Variants in ADCY5 observed in about 807,000 individuals in gnomAD.
ADCY5 encodes adenylate cyclase 5.
ADCY5 carries 30 observed loss-of-function variants against 119.7 expected under a neutral mutation model. The observed-to-expected ratio is 0.25, with a 90% CI of 0.19 to 0.34. The LOEUF is 0.34. Among genes scored for constraint, ADCY5 ranks in the 10% least tolerant of loss-of-function variants. The pLI, the probability that ADCY5 is intolerant of heterozygous loss-of-function variation, is 1.00. For missense variants in ADCY5, 1,324 were observed against 1,775.2 expected, an observed-to-expected ratio of 0.75 and a Z score of 4.57; for synonymous variants, 753 against 762.2, an observed-to-expected ratio of 0.99 and a Z score of 0.20.
At chr3:123,396,939 CACCCTTCCCATGACTTTGGGGAA>C (rs1412965966) in intron 1 of ADCY5, among the ~76,000 whole-genome samples, 1 of 152,154 alleles carries the variant, frequency 6.6e-6, no homozygotes, top group African/African-American at 2.4e-5. Flanking sequence ...ACACATGCCT[CACCCTTCCCATGACTTTGGGGAA>C]ACTTCTGTAC....
intron 20 of ADCY5, among the ~76,000 whole-genome samples, chr3:123,285,745 C>G (rs1455531678): frequency 1.3e-5 from 2 of 152,218 alleles, no homozygotes; most frequent in Non-Finnish European, 2.9e-5. Flanking sequence ...AACACACATG[C>G]CCCTTGCTCC....
chr3:123,412,711 C>G (rs1332159796), intron 1 of ADCY5, among the ~76,000 whole-genome samples: 1 of 152,036 alleles, frequency 6.6e-6, no homozygotes, highest in South Asian at 2.1e-4. Context: ...TCCCCCATCC[C>G]TCATTTCCTA....
At chr3:123,366,725 T>G (rs1943455508) in intron 1 of ADCY5, among the ~76,000 whole-genome samples, 1 of 152,046 alleles carries the variant, frequency 6.6e-6, no homozygotes. Flanking sequence ...GGCAGCACAG[T>G]GTGGAGAAAG....
intron 1 of ADCY5, among the ~76,000 whole-genome samples, chr3:123,360,745 A>G (rs2107500779): frequency 6.6e-6 from 1 of 152,392 alleles, no homozygotes; most frequent in Middle Eastern, 3.4e-3. Flanking sequence ...TCTGCTTAAT[A>G]CATTTTAAGG....
chr3:123,332,242 C>A (rs1262434189), intron 4 of ADCY5, among the ~76,000 whole-genome samples: 3 of 152,180 alleles, frequency 2.0e-5, no homozygotes, highest in Admixed American at 2.0e-4. Context: ...CAGCTTATTC[C>A]CCTGGGGTTT....
At chr3:123,284,892 A>T (rs539713981) in intron 20 of ADCY5, among the ~76,000 whole-genome samples, 156 bp from the exon 21 acceptor site, 188 of 152,318 alleles carry the variant, frequency 1.2e-3, no homozygotes, top group African/African-American at 4.3e-3. Context: ...AGGGACTGAC[A>T]GACAGCAGCT....
chr3:123,442,218 G>A (rs1945735498), intron 1 of ADCY5, among the ~76,000 whole-genome samples: 1 of 152,188 alleles, frequency 6.6e-6, no homozygotes, highest in Admixed American at 6.5e-5. Context: ...GGAAACACAT[G>A]ACGGCAGGTT....
intron 3 of ADCY5, among the ~76,000 whole-genome samples, chr3:123,342,391 G>T (rs1195073917): frequency 3.3e-5 from 5 of 152,162 alleles, no homozygotes; most frequent in Non-Finnish European, 5.9e-5. Flanking sequence ...AGGTGTTGGG[G>T]AAAGACTGAG....
chr3:123,289,823 G>A lies in ADCY5; in HGVS notation c.3459C>T (p.Asp1153=). 6.2e-7 allele frequency: 1 copy of A among 1,614,246 alleles called. No individual in the cohort carries two copies. The highest frequency in any genetic ancestry group is 8.5e-7 in the Non-Finnish European group (1 of 1,180,054). ...VGKTHIKALA[D]FAMKLMDQMK... is the part of the protein sequence containing the mutation. ...TCTGGTCCATCAGCTTCATGGCAAA[G>A]TCGGCCAGTGCCTTGATGTGGGTCT... is the stretch of plus-strand genomic sequence containing the variant. Residue 1153 remains aspartate, a synonymous_variant, in exon 19 of 21, where the codon GAC becomes GAT. Transcript: ENST00000462833.
rs571299623 is a variant in ADCY5 at position 123,402,219 on chromosome 3, T to A, written c.1134+45193A>T. ...AAAGAGAAGGCAGAACCACAGTCGG[T>A]TATCAGGGCACGTGAGAGATGCCTA... On this transcript the variant is annotated intron_variant, in intron 1 of 20. Transcript: ENST00000462833. Among the ~76,000 whole-genome samples the A allele has an allele frequency of 2.6e-5, 4 of 152,280 alleles. No individual in the cohort carries two copies. The South Asian group carries it at 6.2e-4, about 24-fold the overall frequency.
rs1347138436 is a variant in ADCY5 at position 123,367,847 on chromosome 3, A to G, written c.1135-15266T>C. The G allele has an allele frequency of 2.0e-6, 3 of 1,521,728 alleles. No homozygotes were observed. In the African/African-American group the frequency reaches 4.2e-5, roughly 21 times the overall value. The allele number at this position is 1,521,728 out of a possible 1,614,324, so 94.3% of individuals were successfully genotyped here. A position where few individuals can be genotyped will look rare whatever the true frequency, so the allele number is the denominator to read the frequency against. ...GGCTCATTTTAGGTCAGCAGAATCC[A>G]GAAGAAAAAAAAAAACACCAAAGAG... On this transcript the variant is annotated intron_variant, in intron 1 of 20. Transcript: ENST00000462833.
chr3:123,426,622 C>T (rs751749196), intron 1 of ADCY5, among the ~76,000 whole-genome samples: 2 of 152,156 alleles, frequency 1.3e-5, no homozygotes, highest in Non-Finnish European at 2.9e-5. Context: ...TGAGCCACTG[C>T]GCCTGGCCAG....
intron 12 of ADCY5, among the ~76,000 whole-genome samples, chr3:123,306,921 G>A (rs549657124): frequency 4.5e-4 from 68 of 152,336 alleles, no homozygotes; most frequent in Non-Finnish European, 9.1e-4. Flanking sequence ...CATAAAGAGA[G>A]TAAAGTGCTG....
rs190232122 is a variant in ADCY5, at chr3:123,392,475, G to A, written c.1135-39894C>T. Among the ~76,000 whole-genome samples, 491 of 149,874 alleles carry A rather than the reference G, an allele frequency of 3.3e-3. 1 individual carries two copies. Among genetic ancestry groups the A allele is most frequent in the African/African-American group, 0.012 (470 of 40,000 alleles). The stretch of plus-strand genomic sequence containing the variant: ...CAGCACAGGTTAGGCAGTGATCCAC[G>A]GGGTTATCATAAACCGCAGACTTAG... On this transcript the variant is annotated intron_variant, in intron 1 of 20. Coordinates refer to ENST00000462833, the MANE Select transcript of ADCY5 (RefSeq NM_183357.3).
At chr3:123,408,765 T>G (rs543913361) in intron 1 of ADCY5, among the ~76,000 whole-genome samples, 1 of 151,072 alleles carries the variant, frequency 6.6e-6, no homozygotes, top group African/African-American at 2.4e-5. Context: ...CACCTGAGGG[T>G]AGGAATTCAA....
chr3:123,302,883 C>T (rs1451364991), intron 14 of ADCY5, among the ~76,000 whole-genome samples, 172 bp downstream of exon 14: 1 of 152,182 alleles, frequency 6.6e-6, no homozygotes, highest in East Asian at 1.9e-4. Context: ...TCCCCTTGTT[C>T]CCAGTGCAGA....
intron 1 of ADCY5, 115 bp downstream of exon 1, chr3:123,447,297 G>T: frequency 1.6e-6 from 2 of 1,214,758 alleles, no homozygotes; most frequent in Non-Finnish European, 2.2e-6. Flanking sequence ...GCCGAGCCCT[G>T]TCTCTCTGGC....
At chr3:123,431,780 C>T (rs533974845) in intron 1 of ADCY5, among the ~76,000 whole-genome samples, 61 of 152,332 alleles carry the variant, frequency 4.0e-4, no homozygotes, top group African/African-American at 1.4e-3. Flanking sequence ...CGCCTGCAAT[C>T]ATTTTTAGTG....
At chr3:123,298,502 C>T (rs1318051287) in intron 15 of ADCY5, among the ~76,000 whole-genome samples, 1 of 152,196 alleles carries the variant, frequency 6.6e-6, no homozygotes, top group Non-Finnish European at 1.5e-5. Flanking sequence ...CAGCTTGTCC[C>T]ATGCTCCACT....
Sources: gnomAD v4.1 joint callset for allele counts (sites outside exome capture counted in the v4.1 genomes callset) on GRCh38, gnomAD v4.1.1 for gene constraint, MANE v1.5 for transcripts, NCBI Gene and HGNC (gene_info 2026-07-23, HGNC 2026-07-21) for gene names.